The following ZNF169 variants were observed in gnomAD, a reference collection of about 807,000 sequenced individuals.
ZNF169 encodes the protein zinc finger protein 169.
ZNF169 carries 11 observed loss-of-function variants against 12.0 expected under a neutral mutation model. The observed-to-expected ratio is 0.92, with a 90% CI of 0.58 to 1.52. The LOEUF (loss-of-function observed/expected upper bound fraction) is 1.52. Among genes scored for constraint, ZNF169 ranks in the 40% most tolerant of loss-of-function variants. The probability of loss-of-function intolerance (pLI) is 0.00; values close to 1 mark genes in which losing one functional copy is unlikely to be tolerated. For synonymous variants in ZNF169, 302 were observed against 286.5 expected (o/e 1.05, Z -0.55); for missense variants, 722 against 744.0 (o/e 0.97, Z 0.34).
At chr9:94,289,082 A>T (rs1276257332) in intron 2 of ZNF169, among the ~76,000 whole-genome samples, 1 of 152,108 alleles carries the variant, frequency 6.6e-6, no homozygotes, top group African/African-American at 2.4e-5. Flanking sequence ...ATGTAATGGG[A>T]GGTAAGTTCT....
intron 4 of ZNF169, among the ~76,000 whole-genome samples, chr9:94,297,086 C>CT (rs1010559015): frequency 3.3e-5 from 5 of 150,758 alleles, no homozygotes; most frequent in African/African-American, 7.4e-5. Flanking sequence ...TCCATCTTTG[C>CT]TTTTTTTTGC....
At chr9:94,288,171 C>T in intron 2 of ZNF169, 2 of 817,660 alleles carry the variant, frequency 2.4e-6, no homozygotes, top group South Asian at 1.3e-5. Flanking sequence ...ATCCATGTCT[C>T]AGCCCAGGTT....
chr9:94,269,641 G>C (rs774275751), intron 1 of ZNF169, among the ~76,000 whole-genome samples: 1 of 152,132 alleles, frequency 6.6e-6, no homozygotes, highest in African/African-American at 2.4e-5. Context: ...GCCCAATAAC[G>C]AGATGCAGAT....
chr9:94,297,119 T>C lies in ZNF169; in HGVS notation c.257-2696T>C, dbSNP rs183340986. 2.1e-3 allele frequency among the ~76,000 whole-genome samples: 311 copies of C among 150,346 alleles called. 4 individuals carry two copies. Among genetic ancestry groups the C allele is most frequent in the Non-Finnish European group, 9.4e-4 (64 of 68,012 alleles). On this transcript the variant is annotated intron_variant, in intron 4 of 4. Coordinates refer to ENST00000395395, the MANE Select transcript of ZNF169 (RefSeq NM_194320.4). ...TGCAAGTTCTTTTCGTTATTCTTTGTTTTTTCATATGAATTTTAGAATCAG... is the reference window on the plus strand; with the variant it reads ...TGCAAGTTCTTTTCGTTATTCTTTGCTTTTTCATATGAATTTTAGAATCAG...
chr9:94,292,607 T>TTTG lies in ZNF169; in HGVS notation c.160+141_160+142insTGT, dbSNP rs386415517. On this transcript the variant is annotated intron_variant, in intron 3 of 4. Transcript: ENST00000395395. ...AGAATGCCTGGCTTTCACAGTGCAG[T>TTTG]TGTGTGTGTGTGTGTGTGTGTGTGT... 166 of 678,820 alleles carry TTTG rather than the reference T, an allele frequency of 2.4e-4. 1 individual carries two copies. Among genetic ancestry groups the TTTG allele is most frequent in the East Asian group, 5.2e-4 (17 of 32,948 alleles). 42.0% of individuals were successfully genotyped at this position (678,820 alleles called of 1,614,324 possible). A position where few individuals can be genotyped will look rare whatever the true frequency, so the allele number is the denominator to read the frequency against.
chr9:94,275,799 T>G (rs1187658443), intron 1 of ZNF169, among the ~76,000 whole-genome samples: 1 of 151,638 alleles, frequency 6.6e-6, no homozygotes, highest in Non-Finnish European at 1.5e-5. Context: ...TTTTTTTTTT[T>G]TTTTGAGACA....
chr9:94,266,404 C>T (rs535372117), intron 1 of ZNF169, among the ~76,000 whole-genome samples: 44 of 152,272 alleles, frequency 2.9e-4, no homozygotes, highest in African/African-American at 9.9e-4. Flanking sequence ...TACGGAGCAT[C>T]GAACGCAGCG....
chr9:94,264,662 T>C lies in ZNF169; in HGVS notation c.-56+5317T>C, dbSNP rs928245460. 1.3e-4 allele frequency among the ~76,000 whole-genome samples: 20 copies of C among 152,316 alleles called. 1 individual carries two copies. The highest frequency in any genetic ancestry group is 9.2e-4 in the Admixed American group (14 of 15,294). ...CTTTGAAGGCTTTTTAAAAATCAGA[T>C]TTATTACAAAATCACAACTCTTAAG... On this transcript the variant is annotated intron_variant, in intron 1 of 4. Coordinates refer to ENST00000395395, the MANE Select transcript of ZNF169 (RefSeq NM_194320.4).
Position 94,300,384 on chromosome 9 carries a change from T to A in ZNF169, c.826T>A (p.Ser276Thr). 1 of 1,607,326 alleles carries A rather than the reference T, an allele frequency of 6.2e-7. No homozygotes were observed. Among genetic ancestry groups the A allele is most frequent in the Non-Finnish European group, 8.5e-7 (1 of 1,177,494 alleles). The change falls in exon 5 of 5, where the codon TCC becomes ACC. Residue 276 changes from serine to threonine, a missense_variant. Physicochemically the swap from Ser to Thr is moderately conservative, Grantham distance 58. Coordinates refer to ENST00000395395, the MANE Select transcript of ZNF169 (RefSeq NM_194320.4). ...ECGRRFSQKA[S>T]LSIHQRKHSG... ...TGGGCGTCGGTTTAGCCAGAAGGCCTCCCTCTCCATACACCAGAGGAAGCA... is the reference window on the plus strand; with the variant it reads ...TGGGCGTCGGTTTAGCCAGAAGGCCACCCTCTCCATACACCAGAGGAAGCA...
intron 2 of ZNF169, 105 bp downstream of exon 2, chr9:94,278,950 T>TAGGCGTGACTCATCTTAA (rs1830570787): frequency 1.8e-6 from 2 of 1,104,590 alleles, no homozygotes; most frequent in African/African-American, 3.1e-5. Flanking sequence ...CTTGATCTTG[T>TAGGCGTGACTCATCTTAA]AGGCGTGACT....
intron 1 of ZNF169, among the ~76,000 whole-genome samples, chr9:94,264,263 G>A (rs112742584): frequency 6.6e-6 from 1 of 152,100 alleles, no homozygotes; most frequent in Non-Finnish European, 1.5e-5. Context: ...CAGCTTCCGA[G>A]TCACTGGGAT....
intron 1 of ZNF169, among the ~76,000 whole-genome samples, chr9:94,277,929 C>A: frequency 7.4e-6 from 1 of 135,700 alleles, no homozygotes; most frequent in East Asian, 2.0e-4. Context: ...GAGACTCCGA[C>A]TCAAAAAAAA....
intron 1 of ZNF169, among the ~76,000 whole-genome samples, chr9:94,263,089 T>C (rs1000874510): frequency 6.6e-6 from 1 of 152,184 alleles, no homozygotes; most frequent in African/African-American, 2.4e-5. Flanking sequence ...TGAGCTAATA[T>C]CAGTTTGGTC....
intron 1 of ZNF169, among the ~76,000 whole-genome samples, chr9:94,278,497 G>C (rs1403043078): frequency 6.6e-6 from 1 of 152,148 alleles, no homozygotes; most frequent in Non-Finnish European, 1.5e-5. Context: ...TCTTTTAATG[G>C]AGTCCACACA....
chr9:94,297,662 AT>A (rs1830979017), intron 4 of ZNF169, among the ~76,000 whole-genome samples: 1 of 152,228 alleles, frequency 6.6e-6, no homozygotes, highest in East Asian at 1.9e-4. Context: ...AGAAATACGT[AT>A]TTTGTGATTA....
chr9:94,291,004 T>A (rs533245585), intron 2 of ZNF169, among the ~76,000 whole-genome samples: 15 of 151,130 alleles, frequency 9.9e-5, no homozygotes, highest in Admixed American at 7.9e-4. Context: ...AGTAAAAAAA[T>A]TTTTTAAACA....
chr9:94,278,953 G>C, intron 2 of ZNF169, 108 bp downstream of exon 2: 1 of 1,093,296 alleles, frequency 9.1e-7, no homozygotes, highest in Non-Finnish European at 1.3e-6. Context: ...GATCTTGTAG[G>C]CGTGACTCAT....
At chr9:94,259,471 G>C (rs963238068) in intron 1 of ZNF169, 126 bp downstream of exon 1, 1 of 152,626 alleles carries the variant, frequency 6.6e-6, no homozygotes, top group African/African-American at 2.4e-5. Context: ...CATGTTCCTT[G>C]GTGTTTTGAG....
chr9:94,271,036 TTA>T (rs1410546939), intron 1 of ZNF169, among the ~76,000 whole-genome samples: 4 of 89,840 alleles, frequency 4.5e-5, no homozygotes, highest in East Asian at 4.7e-4. Flanking sequence ...ATATATGTAT[TTA>T]TATATATATA....
Sources: allele counts gnomAD v4.1 joint callset (sites outside exome capture counted in the v4.1 genomes callset), GRCh38; gene constraint gnomAD v4.1.1; transcripts MANE v1.5; gene names NCBI Gene and HGNC (gene_info 2026-07-23, HGNC 2026-07-21).